Variants in ZMYM5 observed in about 807,000 individuals in gnomAD.
ZMYM5 encodes zinc finger MYM-type containing 5, also known as zinc finger MYM-type protein 5.
ZMYM5 carries 41 observed loss-of-function variants against 61.8 expected under a neutral mutation model. The ratio of observed to expected loss-of-function variants is 0.66; its 90% CI spans 0.52 to 0.86. The LOEUF is 0.86. Among genes scored for constraint, ZMYM5 ranks in the 40% least tolerant of loss-of-function variants. The probability of loss-of-function intolerance (pLI) is 0.00; values close to 1 mark genes in which losing one functional copy is unlikely to be tolerated. For synonymous variants in ZMYM5, 257 were observed against 276.4 expected (o/e 0.93, Z 0.70); for missense variants, 706 against 786.7 (o/e 0.90, Z 1.23).
chr13:19,860,430 T>TTGTGTGTG (rs760244753), intron 2 of ZMYM5, among the ~76,000 whole-genome samples: 55 of 133,680 alleles, frequency 4.1e-4, no homozygotes, highest in African/African-American at 9.0e-4. Context: ...CCGGCTAATT[T>TTGTGTGTG]TGTGTGTGTG....
chr13:19,862,743 A>G (rs745742769), intron 1 of ZMYM5, among the ~76,000 whole-genome samples: 5 of 152,198 alleles, frequency 3.3e-5, no homozygotes, highest in African/African-American at 4.8e-5. Flanking sequence ...GGGAAGGGTA[A>G]ACGTCGTCTC....
chr13:19,827,304 T>C (rs532172219), intron 7 of ZMYM5, among the ~76,000 whole-genome samples: 1 of 152,290 alleles, frequency 6.6e-6, no homozygotes, highest in Non-Finnish European at 1.5e-5. Flanking sequence ...CACACAAATA[T>C]GAAGAGAGAG....
intron 2 of ZMYM5, among the ~76,000 whole-genome samples, chr13:19,857,881 C>CA (rs1283241847): frequency 6.6e-6 from 1 of 151,858 alleles, no homozygotes. Context: ...AACATGGTGG[C>CA]ATACGCCTGT....
intron 6 of ZMYM5, among the ~76,000 whole-genome samples, chr13:19,836,269 CTT>C (rs112921694): frequency 2.4e-4 from 35 of 144,480 alleles, no homozygotes; most frequent in Admixed American, 6.2e-4. Flanking sequence ...AGATAATGAA[CTT>C]TTTTTTTTTT....
intron 6 of ZMYM5, among the ~76,000 whole-genome samples, chr13:19,835,893 G>A (rs1166935429): frequency 2.0e-5 from 3 of 151,648 alleles, no homozygotes; most frequent in Non-Finnish European, 4.4e-5. Flanking sequence ...GCACAATCTC[G>A]GCTCACTGCA....
chr13:19,860,715 G>A (rs1046158436), intron 2 of ZMYM5, among the ~76,000 whole-genome samples: 18 of 152,064 alleles, frequency 1.2e-4, no homozygotes, highest in Admixed American at 8.5e-4. Flanking sequence ...TGGGATTACA[G>A]GTGTGAGCCA....
At chr13:19,859,642 C>T (rs1401746332) in intron 2 of ZMYM5, among the ~76,000 whole-genome samples, 19 of 151,842 alleles carry the variant, frequency 1.3e-4, no homozygotes, top group Admixed American at 1.1e-3. Flanking sequence ...CTCCTGACCT[C>T]ATGATCTGCC....
At chr13:19,855,557 C>G (rs1184340233) in intron 2 of ZMYM5, among the ~76,000 whole-genome samples, 1 of 151,918 alleles carries the variant, frequency 6.6e-6, no homozygotes, top group South Asian at 2.1e-4. Flanking sequence ...CCACCGCGCC[C>G]GGCCCACAGT....
intron 4 of ZMYM5, among the ~76,000 whole-genome samples, chr13:19,842,678 G>C (rs958325232): frequency 8.7e-5 from 13 of 148,684 alleles, no homozygotes. Flanking sequence ...AAGGTTTCTT[G>C]GCTGGGCGCA....
intron 7 of ZMYM5, among the ~76,000 whole-genome samples, chr13:19,834,317 T>C (rs954357974): frequency 6.7e-6 from 1 of 150,160 alleles, no homozygotes; most frequent in African/African-American, 2.5e-5. Flanking sequence ...AAAAAAAATT[T>C]TTTTCCAAAT....
chr13:19,827,612 TTTTTA>T (rs1425588139), intron 7 of ZMYM5, among the ~76,000 whole-genome samples: 2 of 152,222 alleles, frequency 1.3e-5, no homozygotes, highest in African/African-American at 4.8e-5. Flanking sequence ...AGAAATTTAA[TTTTTA>T]TTTTGTTTTT....
intron 2 of ZMYM5, among the ~76,000 whole-genome samples, chr13:19,855,737 T>G (rs1953477847): frequency 6.6e-6 from 1 of 150,792 alleles, no homozygotes; most frequent in African/African-American, 2.4e-5. Context: ...AAAGGCCAGG[T>G]GCAGTGGCTC....
chr13:19,833,055 T>A (rs911909836), intron 7 of ZMYM5, among the ~76,000 whole-genome samples: 2 of 152,088 alleles, frequency 1.3e-5, no homozygotes, highest in African/African-American at 4.8e-5. Context: ...TTAATGTTCA[T>A]TGTGTTCTTC....
intron 4 of ZMYM5, among the ~76,000 whole-genome samples, chr13:19,849,976 CAA>C (rs566519438): frequency 4.7e-5 from 6 of 128,290 alleles, no homozygotes; most frequent in South Asian, 2.5e-4. Context: ...GACTCTGTCT[CAA>C]AAAAAAAAAA....
intron 2 of ZMYM5, among the ~76,000 whole-genome samples, chr13:19,857,987 T>C (rs1034434378): frequency 6.6e-6 from 1 of 151,956 alleles, no homozygotes; most frequent in African/African-American, 2.4e-5. Flanking sequence ...CACTCCAGCC[T>C]GGGCAACAGA....
In ZMYM5 at chr13:19,852,035, G is replaced by A; in HGVS notation, c.146C>T (p.Ser49Leu). The A allele has an allele frequency of 1.9e-6, 3 of 1,613,946 alleles. No individual in the cohort carries two copies. In the South Asian group the frequency reaches 3.3e-5, roughly 18 times the overall value. The change falls in exon 3 of 8, where the codon TCA becomes TTA. Residue 49 changes from serine (S) to leucine (L), a missense_variant. Ser to Leu is a moderately radical substitution (Grantham distance 145). Around this residue, in one of 2 missense-constraint regions of ZMYM5, gnomAD observed 480 missense variants for 461.7 expected, o/e 1.04. Transcript: ENST00000337963. ...ATCATCATCATCATCTTCCACTGGT[G>A]AGTTCCTAGATCTACTGACTAAAGG... ...ACPLVSRSRNSPVEDDDDDDD... is the reference protein window; with the variant it reads ...ACPLVSRSRNLPVEDDDDDDD...
intron 7 of ZMYM5, among the ~76,000 whole-genome samples, chr13:19,832,605 C>A (rs1952563699): frequency 6.6e-6 from 1 of 152,062 alleles, no homozygotes; most frequent in African/African-American, 2.4e-5. Flanking sequence ...GGATTACAGA[C>A]ATGAGCCACC....
chr13:19,828,896 A>G (rs1891062146), intron 7 of ZMYM5, among the ~76,000 whole-genome samples: 1 of 152,192 alleles, frequency 6.6e-6, no homozygotes, highest in Non-Finnish European at 1.5e-5. Context: ...TTGACTTTCA[A>G]TGATGGATGG....
At chr13:19,852,332 A>G in intron 2 of ZMYM5, 142 bp from the exon 3 acceptor site, 1 of 828,406 alleles carries the variant, frequency 1.2e-6, no homozygotes, top group Admixed American at 3.3e-5. Context: ...ACTGTTAACT[A>G]ATGTTTACTT....
Sources: gnomAD v4.1 joint callset for allele counts (sites outside exome capture counted in the v4.1 genomes callset) on GRCh38, gnomAD v4.1.1 for gene constraint, gnomAD v4.1.1 regional missense constraint, MANE v1.5 for transcripts, NCBI Gene and HGNC (gene_info 2026-07-23, HGNC 2026-07-21) for gene names.